Variants in ARMH4 observed in about 807,000 individuals in gnomAD.
The protein encoded by ARMH4 is armadillo like helical domain containing 4, also known as armadillo-like helical domain-containing protein 4.
Under a neutral mutation model 61.9 loss-of-function variants are expected in ARMH4, and 49 were observed. The ratio of observed to expected loss-of-function variants is 0.79; its 90% CI spans 0.63 to 1.00. The LOEUF (loss-of-function observed/expected upper bound fraction) is 1.00, where lower values mean the gene tolerates loss of function less well. ARMH4 is among the 50% of genes least tolerant of loss of function. The pLI is 0.00. For missense variants in ARMH4, 934 were observed against 930.0 expected (o/e 1.00, Z -0.06); for synonymous variants, 368 against 341.5 (o/e 1.08, Z -0.85).
chr14:58,036,614 C>A (rs1883493731), intron 5 of ARMH4, among the ~76,000 whole-genome samples: 2 of 129,536 alleles, frequency 1.5e-5, no homozygotes, highest in South Asian at 5.3e-4. Context: ...TCAAATTGTC[C>A]CTGTTTGCAG....
intron 4 of ARMH4, among the ~76,000 whole-genome samples, chr14:58,106,332 C>T (rs1886164951): frequency 6.6e-6 from 1 of 152,156 alleles, no homozygotes; most frequent in African/African-American, 2.4e-5. Context: ...GAGATGTCAG[C>T]CAAAACCCTA....
intron 6 of ARMH4, among the ~76,000 whole-genome samples, chr14:58,011,511 C>T (rs1440659711): frequency 6.6e-6 from 1 of 152,096 alleles, no homozygotes; most frequent in African/African-American, 2.4e-5. Flanking sequence ...AGGACTCCAT[C>T]AATATCTTTA....
intron 4 of ARMH4, among the ~76,000 whole-genome samples, chr14:58,119,535 T>C (rs1461012155): frequency 6.6e-6 from 1 of 152,208 alleles, no homozygotes. Context: ...CCTCAGCATC[T>C]GCACAAAAGC....
intron 4 of ARMH4, among the ~76,000 whole-genome samples, chr14:58,102,256 T>C (rs1886008886): frequency 6.6e-6 from 1 of 152,016 alleles, no homozygotes; most frequent in Non-Finnish European, 1.5e-5. Flanking sequence ...CAAGAGAGGC[T>C]GATGGCAGGA....
chr14:58,047,940 A>C (rs527910488), intron 5 of ARMH4, among the ~76,000 whole-genome samples: 80 of 152,300 alleles, frequency 5.3e-4, no homozygotes, highest in African/African-American at 1.8e-3. Context: ...ACAGAAACCA[A>C]GGAAACCAGG....
chr14:58,067,136 T>C (rs4898957), intron 5 of ARMH4, among the ~76,000 whole-genome samples: 110,075 of 152,124 alleles, frequency 0.72, 42,093 homozygotes, highest in Non-Finnish European at 0.86. Context: ...GGTTTCTTCA[T>C]CTTTTATCTG....
chr14:58,145,224 T>C (rs961361179), intron 1 of ARMH4, among the ~76,000 whole-genome samples: 2 of 152,084 alleles, frequency 1.3e-5, no homozygotes, highest in Non-Finnish European at 2.9e-5. Flanking sequence ...TCCTGAATCT[T>C]AGCTTTATTG....
At chr14:58,059,485 AG>A (rs1884460488) in intron 5 of ARMH4, among the ~76,000 whole-genome samples, 1 of 152,254 alleles carries the variant, frequency 6.6e-6, no homozygotes, top group Non-Finnish European at 1.5e-5. Flanking sequence ...ATTTTTGACC[AG>A]TATGCCTTCC....
chr14:58,044,982 G>A (rs1465020063), intron 5 of ARMH4, among the ~76,000 whole-genome samples: 2 of 152,178 alleles, frequency 1.3e-5, no homozygotes, highest in Non-Finnish European at 2.9e-5. Flanking sequence ...GAGAGGATGT[G>A]GAGAAATAGG....
chr14:58,131,113 T>G (rs1887079703), intron 4 of ARMH4: 1 of 179,956 alleles, frequency 5.6e-6, no homozygotes, highest in Non-Finnish European at 1.2e-5. Context: ...CATAAATGTT[T>G]CAGGCTTTGT....
chr14:58,145,144 C>A (rs1250990005), intron 1 of ARMH4, among the ~76,000 whole-genome samples: 3 of 152,194 alleles, frequency 2.0e-5, no homozygotes, highest in African/African-American at 7.2e-5. Context: ...GAATAAAAAT[C>A]TGAAAGCCCC....
chr14:58,012,615 C>T (rs1459166491), intron 5 of ARMH4, among the ~76,000 whole-genome samples: 1 of 152,064 alleles, frequency 6.6e-6, no homozygotes, highest in African/African-American at 2.4e-5. Context: ...GAGCTGGCTC[C>T]AAAGAGAAGC....
chr14:58,091,362 A>G (rs987969177), intron 5 of ARMH4, among the ~76,000 whole-genome samples: 2 of 152,208 alleles, frequency 1.3e-5, no homozygotes, highest in African/African-American at 4.8e-5. Context: ...CAAGGATAGT[A>G]GTAGAGCAAA....
At chr14:58,130,099 G>A (rs1299140209) in intron 4 of ARMH4, among the ~76,000 whole-genome samples, 1 of 152,184 alleles carries the variant, frequency 6.6e-6, no homozygotes, top group Non-Finnish European at 1.5e-5. Context: ...GCCCTGCTGG[G>A]TAAAGCTGTC....
chr14:58,060,532 G>A (rs2141213039), intron 5 of ARMH4, among the ~76,000 whole-genome samples: 1 of 152,258 alleles, frequency 6.6e-6, no homozygotes, highest in South Asian at 2.1e-4. Flanking sequence ...AAACACTGTG[G>A]CATTTGTAAG....
At chr14:58,108,943 G>A (rs1200623909) in intron 4 of ARMH4, among the ~76,000 whole-genome samples, 1 of 152,130 alleles carries the variant, frequency 6.6e-6, no homozygotes, top group East Asian at 1.9e-4. Context: ...ATGAGGTTGT[G>A]TATCCATTCA....
chr14:58,075,386 A>C (rs1885013803), intron 5 of ARMH4, among the ~76,000 whole-genome samples: 2 of 152,268 alleles, frequency 1.3e-5, no homozygotes, highest in South Asian at 4.1e-4. Flanking sequence ...TGGATAAAGA[A>C]AATATGGCAC....
intron 4 of ARMH4, among the ~76,000 whole-genome samples, chr14:58,128,303 G>A (rs1416705463): frequency 1.3e-5 from 2 of 152,104 alleles, no homozygotes; most frequent in Non-Finnish European, 2.9e-5. Flanking sequence ...TATTCAACAA[G>A]AGAAGAAAAT....
intron 5 of ARMH4, among the ~76,000 whole-genome samples, chr14:58,085,502 A>T (rs1355347751): frequency 6.6e-6 from 1 of 152,064 alleles, no homozygotes; most frequent in Non-Finnish European, 1.5e-5. Flanking sequence ...GTTTTTATTA[A>T]CTGTAGTGGA....
Sources: gnomAD v4.1 joint callset for allele counts (sites outside exome capture counted in the v4.1 genomes callset) on GRCh38, gnomAD v4.1.1 for gene constraint, MANE v1.5 for transcripts, NCBI Gene and HGNC (gene_info 2026-07-23, HGNC 2026-07-21) for gene names.